TTC27: variants seen among roughly 807,000 people sequenced by gnomAD.
TTC27 encodes the protein tetratricopeptide repeat protein 27.
Under a neutral mutation model 115.9 loss-of-function variants are expected in TTC27, and 79 were observed. The ratio of observed to expected loss-of-function variants is 0.68; its 90% CI spans 0.57 to 0.82. TTC27 has a LOEUF of 0.82. Among genes scored for constraint, TTC27 ranks in the 40% least tolerant of loss-of-function variants. The pLI is 0.00. For missense variants in TTC27, 1,054 were observed against 993.1 expected (o/e 1.06, Z -0.82); for synonymous variants, 401 against 356.0 (o/e 1.13, Z -1.42).
At chr2:32,659,020 A>G (rs1665434980) in intron 5 of TTC27, among the ~76,000 whole-genome samples, 1 of 152,202 alleles carries the variant, frequency 6.6e-6, no homozygotes, top group Non-Finnish European at 1.5e-5. Flanking sequence ...ACTGGAATGC[A>G]GTGGCATGAT....
intron 15 of TTC27, among the ~76,000 whole-genome samples, chr2:32,783,974 C>T (rs1333743961): frequency 6.6e-6 from 1 of 152,186 alleles, no homozygotes; most frequent in African/African-American, 2.4e-5. Flanking sequence ...GCTGCCTCTG[C>T]TCTTGGATGA....
chr2:32,732,374 A>G lies in TTC27; in HGVS notation c.1234-1454A>G, dbSNP rs567484211. ...GAATAACATCTTGGATTGTCAACGA[A>G]GTGTTGTGTAATGTGTGTTTTCTCA... On this transcript the variant is annotated intron_variant, in intron 10 of 19. Transcript: ENST00000317907. Among the ~76,000 whole-genome samples the G allele has an allele frequency of 4.7e-4, 72 of 152,312 alleles. 5 individuals carry two copies. The South Asian group carries it at 0.014, about 30-fold the overall frequency.
intron 17 of TTC27, among the ~76,000 whole-genome samples, chr2:32,811,801 G>A (rs1456692108): frequency 6.6e-6 from 1 of 152,152 alleles, no homozygotes; most frequent in Non-Finnish European, 1.5e-5. Flanking sequence ...TCCAAAGTTG[G>A]AATAATTGTT....
intron 10 of TTC27, among the ~76,000 whole-genome samples, chr2:32,706,205 C>T (rs1490458329): frequency 1.3e-5 from 2 of 149,786 alleles, no homozygotes; most frequent in African/African-American, 4.9e-5. Flanking sequence ...GCCTCAGCCT[C>T]CTGAGTAGCT....
chr2:32,778,067 C>A, intron 14 of TTC27, 87 bp downstream of exon 14: 1 of 1,271,930 alleles, frequency 7.9e-7, no homozygotes, highest in East Asian at 2.4e-5. Flanking sequence ...ACAGCAATTC[C>A]TTTTGTGTTG....
rs1259891036 is a variant in TTC27, at chr2:32,630,681, G to A, written c.247G>A (p.Asp83Asn). 5 of 1,608,230 alleles carry A rather than the reference G, an allele frequency of 3.1e-6. No homozygotes were observed. The African/African-American group carries it at 6.7e-5, about 22-fold the overall frequency. ...AGTAACATTCCTGGATTACTCAACA[G>A]ATTTGGACACAACGGAAAGGTAGAA... is the stretch of plus-strand genomic sequence containing the variant. ...QVVTFLDYST[D>N]LDTTERQQLI... The change falls in exon 2 of 20, where the codon GAT becomes AAT. Residue 83 changes from aspartate (D) to asparagine (N), a missense_variant. Asp to Asn is a conservative substitution (Grantham distance 23). Coordinates refer to ENST00000317907, the MANE Select transcript of TTC27 (RefSeq NM_017735.5).
At chr2:32,792,088 C>T (rs1438020930) in intron 16 of TTC27, among the ~76,000 whole-genome samples, 2 of 152,094 alleles carry the variant, frequency 1.3e-5, no homozygotes, top group African/African-American at 4.8e-5. Context: ...TTTAGTTTTG[C>T]TTTTTCTTGA....
intron 10 of TTC27, among the ~76,000 whole-genome samples, chr2:32,720,942 G>T (rs556051153): frequency 5.9e-5 from 9 of 152,188 alleles, no homozygotes; most frequent in Admixed American, 5.9e-4. Flanking sequence ...GGCAGACTTG[G>T]TATTGCCCTT....
intron 9 of TTC27, among the ~76,000 whole-genome samples, chr2:32,688,530 A>G (rs944152143): frequency 1.8e-4 from 27 of 152,152 alleles, no homozygotes; most frequent in Admixed American, 7.9e-4. Context: ...TGTATCTCAC[A>G]AAAGACTTTT....
intron 19 of TTC27, among the ~76,000 whole-genome samples, 194 bp from the exon 20 acceptor site, chr2:32,820,619 ATGT>A (rs1284561250): frequency 6.6e-6 from 1 of 152,222 alleles, no homozygotes; most frequent in African/African-American, 2.4e-5. Flanking sequence ...AAGTTCAGGC[ATGT>A]TGTTTTGATT....
At chr2:32,773,329 A>T (rs1669890652) in intron 13 of TTC27, among the ~76,000 whole-genome samples, 1 of 152,160 alleles carries the variant, frequency 6.6e-6, no homozygotes, top group Non-Finnish European at 1.5e-5. Flanking sequence ...TCCTGTGGCC[A>T]CCCATTTTTC....
rs11124296 is a variant in TTC27 at position 32,780,043 on chromosome 2, A to G, written c.1779+2063A>G. The G allele has an allele frequency of 2.0e-3, 913 of 449,150 alleles. 29 individuals are homozygous for G. In the East Asian group the frequency reaches 0.052, roughly 25 times the overall value. 27.8% of individuals were successfully genotyped at this position (449,150 alleles called of 1,614,324 possible). A position where few individuals can be genotyped will look rare whatever the true frequency, so the allele number is the denominator to read the frequency against. On this transcript the variant is annotated intron_variant, in intron 14 of 19. Transcript: ENST00000317907. ...TTTCATTGACTGTATGTCACATTTC[A>G]TTGACTATAGGTCTGTGCATATTCC...
At chr2:32,751,036 T>C (rs1214809167) in intron 12 of TTC27, among the ~76,000 whole-genome samples, 3 of 152,184 alleles carry the variant, frequency 2.0e-5, no homozygotes, top group Non-Finnish European at 1.5e-5. Context: ...CTCTCTGTGC[T>C]GGTAAAAGGC....
chr2:32,725,181 C>A (rs773898432), intron 10 of TTC27, among the ~76,000 whole-genome samples: 1 of 152,274 alleles, frequency 6.6e-6, no homozygotes, highest in South Asian at 2.1e-4. Context: ...CCTCTGGCCC[C>A]TTCAAATCTC....
chr2:32,699,641 G>A (rs889984550), intron 9 of TTC27, among the ~76,000 whole-genome samples: 2 of 152,040 alleles, frequency 1.3e-5, no homozygotes, highest in Non-Finnish European at 2.9e-5. Context: ...ACCTCATCAT[G>A]GGCAGCAGTG....
chr2:32,790,241 A>G (rs1230144047), intron 16 of TTC27, among the ~76,000 whole-genome samples: 1 of 151,560 alleles, frequency 6.6e-6, no homozygotes, highest in Non-Finnish European at 1.5e-5. Flanking sequence ...GTTTTTTTCT[A>G]TTTTATGGAT....
Position 32,758,356 on chromosome 2 carries a change from G to T in TTC27, c.1517G>T (p.Gly506Val), listed in dbSNP as rs1170478700. Reference protein sequence around the residue: ...KETPSLYCLLGDVLGDHSCYD... With the variant: ...KETPSLYCLLVDVLGDHSCYD... The stretch of plus-strand genomic sequence containing the variant: ...ACGCCTAGTTTATACTGCTTGCTTG[G>T]AGATGTCCTCGGAGACCATTCTTGC... The change falls in exon 13 of 20, where the codon GGA becomes GTA. Residue 506 changes from glycine to valine, a missense_variant. Physicochemically the swap from Gly to Val is moderately radical, Grantham distance 109. Coordinates refer to ENST00000317907, the MANE Select transcript of TTC27 (RefSeq NM_017735.5). 2 of 1,614,050 alleles carry T rather than the reference G, an allele frequency of 1.2e-6. No homozygotes were observed. The highest frequency in any genetic ancestry group is 1.7e-6 in the Non-Finnish European group (2 of 1,180,026).
intron 8 of TTC27, among the ~76,000 whole-genome samples, chr2:32,676,569 G>A (rs528833952): frequency 7.0e-6 from 1 of 142,288 alleles, no homozygotes; most frequent in Non-Finnish European, 1.5e-5. Context: ...TTGGCTCACT[G>A]CAACCTCTGC....
intron 11 of TTC27, among the ~76,000 whole-genome samples, chr2:32,736,409 A>G (rs1158595074): frequency 6.6e-6 from 1 of 152,184 alleles, no homozygotes; most frequent in Non-Finnish European, 1.5e-5. Flanking sequence ...TAAAAAAGAA[A>G]TATTTATTTT....
Sources: gnomAD v4.1 joint callset for allele counts (sites outside exome capture counted in the v4.1 genomes callset) on GRCh38, gnomAD v4.1.1 for gene constraint, MANE v1.5 for transcripts, NCBI Gene and HGNC (gene_info 2026-07-23, HGNC 2026-07-21) for gene names.